The following NRXN1 variants were observed in gnomAD, a reference collection of about 807,000 sequenced individuals.
NRXN1 encodes neurexin-1.
NRXN1 carries 39 observed loss-of-function variants against 150.9 expected under a neutral mutation model. The ratio of observed to expected loss-of-function variants is 0.26; its 90% CI spans 0.20 to 0.34. NRXN1 has a LOEUF of 0.34. Among genes scored for constraint, NRXN1 ranks in the 10% least tolerant of loss-of-function variants. The pLI, the probability that NRXN1 is intolerant of heterozygous loss-of-function variation, is 1.00. For missense variants in NRXN1, 1,815 were observed against 1,949.9 expected (o/e 0.93, Z 1.30); for synonymous variants, 924 against 757.0 (o/e 1.22, Z -3.62).
intron 21 of NRXN1, among the ~76,000 whole-genome samples, chr2:50,050,459 T>G (rs534580248): frequency 1.3e-5 from 2 of 152,024 alleles, no homozygotes; most frequent in African/African-American, 4.8e-5. Flanking sequence ...CTGAGAAAAA[T>G]GCACTTTGAT....
chr2:50,930,003 A>T (rs372237958), intron 2 of NRXN1, among the ~76,000 whole-genome samples: 2 of 152,132 alleles, frequency 1.3e-5, no homozygotes, highest in East Asian at 1.9e-4. Context: ...TGAAGCATAA[A>T]GGTCCATTAT....
chr2:50,641,697 G>T (rs1361740596), intron 5 of NRXN1, among the ~76,000 whole-genome samples: 1 of 152,076 alleles, frequency 6.6e-6, no homozygotes, highest in Admixed American at 6.6e-5. Flanking sequence ...TGGCGACTGG[G>T]AAGAATAATT....
chr2:50,388,506 T>C (rs775125512), intron 17 of NRXN1, among the ~76,000 whole-genome samples: 2 of 152,132 alleles, frequency 1.3e-5, no homozygotes, highest in Non-Finnish European at 2.9e-5. Flanking sequence ...TTGCCCTGTA[T>C]ACAAACCAGG....
chr2:50,111,491 TAG>T (rs1350749507), intron 18 of NRXN1, among the ~76,000 whole-genome samples: 1 of 151,900 alleles, frequency 6.6e-6, no homozygotes, highest in Non-Finnish European at 1.5e-5. Context: ...ATACAAAAAT[TAG>T]CAGGGCCTGG....
chr2:50,345,775 T>G (rs1295330192), intron 17 of NRXN1, among the ~76,000 whole-genome samples: 3 of 152,212 alleles, frequency 2.0e-5, no homozygotes, highest in Non-Finnish European at 1.5e-5. Context: ...ATAGTTTCCC[T>G]TAGCTCTAAC....
At chr2:50,411,468 C>A (rs572363755) in intron 17 of NRXN1, among the ~76,000 whole-genome samples, 4 of 152,198 alleles carry the variant, frequency 2.6e-5, no homozygotes, top group African/African-American at 9.6e-5. Flanking sequence ...AAGTGAGGAG[C>A]GTCTCTGCCC....
At position 50,069,846 on chromosome 2, in the gene NRXN1, G is replaced by GTTTTTTT. The variant is rs1467398706; in HGVS notation, c.3719-14803_3719-14802insAAAAAAA. Among the ~76,000 whole-genome samples the GTTTTTTT allele has an allele frequency of 4.4e-3, 294 of 66,150 alleles. 1 individual carries two copies. Among genetic ancestry groups the GTTTTTTT allele is most frequent in the African/African-American group, 0.024 (213 of 8,918 alleles). 43.4% of individuals were successfully genotyped at this position (66,150 alleles called of 152,430 possible). ...AGGTTAGATTTCAGGAGATTTTGGGGGTTTTTTTTTTTTTTTTTTTTTGAG... is the reference window on the plus strand; with the variant it reads ...AGGTTAGATTTCAGGAGATTTTGGGGTTTTTTTGTTTTTTTTTTTTTTTTTTTTTGAG... On this transcript the variant is annotated intron_variant, in intron 19 of 22. Transcript: ENST00000401669.
intron 5 of NRXN1, among the ~76,000 whole-genome samples, chr2:50,756,624 A>C (rs1701182111): frequency 6.6e-6 from 1 of 151,844 alleles, no homozygotes; most frequent in Non-Finnish European, 1.5e-5. Context: ...GAGCTTTAGA[A>C]ACAACCTAAA....
At chr2:50,898,691 C>T (rs570603807) in intron 5 of NRXN1, 3 of 377,184 alleles carry the variant, frequency 8.0e-6, no homozygotes, top group African/African-American at 4.3e-5. Flanking sequence ...AAATTAATTG[C>T]TTAATATAAA....
chr2:50,507,869 C>T (rs963932984), intron 12 of NRXN1, among the ~76,000 whole-genome samples: 4 of 151,286 alleles, frequency 2.6e-5, no homozygotes, highest in East Asian at 2.0e-4. Flanking sequence ...TGTCTTTCAA[C>T]GAATTGAGAA....
intron 5 of NRXN1, among the ~76,000 whole-genome samples, chr2:50,855,850 T>C (rs1459890236): frequency 6.6e-6 from 1 of 152,030 alleles, no homozygotes. Context: ...CCTCTAAATA[T>C]AGTTGTACTG....
At chr2:50,312,699 A>G (rs1433705235) in intron 17 of NRXN1, 2 of 511,614 alleles carry the variant, frequency 3.9e-6, no homozygotes, top group South Asian at 2.9e-5. Context: ...CCTCTCATCT[A>G]GTCACTAGAA....
intron 10 of NRXN1, among the ~76,000 whole-genome samples, chr2:50,537,806 G>A (rs1020729715): frequency 6.6e-6 from 1 of 152,190 alleles, no homozygotes; most frequent in Admixed American, 6.5e-5. Flanking sequence ...GCTAACTTAA[G>A]TCTCACCCAG....
intron 17 of NRXN1, among the ~76,000 whole-genome samples, chr2:50,245,506 G>A (rs1350911951): frequency 1.3e-5 from 2 of 151,860 alleles, no homozygotes; most frequent in African/African-American, 2.4e-5. Flanking sequence ...ATAGGCAGCA[G>A]GGATAGGAAG....
chr2:50,668,919 T>C (rs888774373), intron 5 of NRXN1, among the ~76,000 whole-genome samples: 2 of 151,938 alleles, frequency 1.3e-5, no homozygotes, highest in African/African-American at 4.8e-5. Context: ...CATTGTGATA[T>C]ACAAAAAGCA....
intron 16 of NRXN1, 73 bp downstream of exon 16, chr2:50,472,225 G>A (rs1321330719): frequency 2.3e-6 from 3 of 1,294,276 alleles, no homozygotes; most frequent in Non-Finnish European, 2.0e-6. Context: ...AATTTTGCTG[G>A]ACAGTGAGAT....
At chr2:49,967,671 T>G (rs753970796) in intron 21 of NRXN1, among the ~76,000 whole-genome samples, 1 of 152,122 alleles carries the variant, frequency 6.6e-6, no homozygotes, top group Admixed American at 6.6e-5. Flanking sequence ...TAGGGATTGC[T>G]AGGTAGAGTG....
intron 15 of NRXN1, among the ~76,000 whole-genome samples, chr2:50,486,957 T>G (rs1390424768): frequency 6.6e-6 from 1 of 152,120 alleles, no homozygotes; most frequent in Non-Finnish European, 1.5e-5. Context: ...GTGCAAATCT[T>G]TATAACAGTA....
chr2:50,648,064 ATAT>A (rs1379587778), intron 5 of NRXN1, among the ~76,000 whole-genome samples: 20 of 152,036 alleles, frequency 1.3e-4, no homozygotes, highest in African/African-American at 4.6e-4. Flanking sequence ...AAAGTTAATA[ATAT>A]TAAATAATTA....
Sources: gnomAD v4.1 joint callset for allele counts (sites outside exome capture counted in the v4.1 genomes callset) on GRCh38, gnomAD v4.1.1 for gene constraint, MANE v1.5 for transcripts, NCBI Gene and HGNC (gene_info 2026-07-23, HGNC 2026-07-21) for gene names.